Variants in CSNK1G1 observed in about 807,000 individuals in gnomAD.
CSNK1G1 encodes the protein casein kinase I isoform gamma-1.
A neutral mutation model predicts 59.6 loss-of-function variants in CSNK1G1; 22 were observed. That is an observed-to-expected ratio of 0.37 (90% confidence interval 0.26 to 0.53). CSNK1G1 has a LOEUF of 0.53. Among genes scored for constraint, CSNK1G1 ranks in the 20% least tolerant of loss-of-function variants. The pLI, the probability that CSNK1G1 is intolerant of heterozygous loss-of-function variation, is 0.89. For missense variants in CSNK1G1, 384 were observed against 519.5 expected (o/e 0.74, Z 2.54); for synonymous variants, 179 against 177.1 (o/e 1.01, Z -0.08).
chr15:64,322,104 A>G (rs72757001), intron 1 of CSNK1G1, among the ~76,000 whole-genome samples: 2,813 of 151,858 alleles, frequency 0.019, 30 homozygotes, highest in Non-Finnish European at 0.027. Context: ...TAAGTAGTAA[A>G]TATCTTTTGC....
chr15:64,189,156 A>T (rs556501239), intron 10 of CSNK1G1, among the ~76,000 whole-genome samples: 2 of 152,158 alleles, frequency 1.3e-5, no homozygotes, highest in Admixed American at 6.5e-5. Flanking sequence ...AACAAAAAAA[A>T]TAGCTACATC....
intron 2 of CSNK1G1, among the ~76,000 whole-genome samples, chr15:64,280,573 G>T (rs1894070498): frequency 6.6e-6 from 1 of 152,046 alleles, no homozygotes; most frequent in Non-Finnish European, 1.5e-5. Flanking sequence ...TGTTAGCCAG[G>T]ATGGTCTCAA....
At chr15:64,183,133 T>C (rs1367458971) in intron 10 of CSNK1G1, among the ~76,000 whole-genome samples, 1 of 152,196 alleles carries the variant, frequency 6.6e-6, no homozygotes, top group Non-Finnish European at 1.5e-5. Context: ...TTAGTAAGCA[T>C]CACCACTGAG....
At chr15:64,321,803 G>A (rs1221765814) in intron 1 of CSNK1G1, among the ~76,000 whole-genome samples, 1 of 152,116 alleles carries the variant, frequency 6.6e-6, no homozygotes, top group Non-Finnish European at 1.5e-5. Flanking sequence ...AATTTTCCCT[G>A]AGTAAGACTT....
intron 4 of CSNK1G1, among the ~76,000 whole-genome samples, chr15:64,244,433 T>C (rs1303921700): frequency 2.0e-5 from 3 of 149,026 alleles, no homozygotes; most frequent in Non-Finnish European, 4.4e-5. Context: ...TGGAAGAATA[T>C]TGTAAAAATA....
chr15:64,244,366 T>TAAAAA (rs142844348), intron 4 of CSNK1G1, among the ~76,000 whole-genome samples: 1 of 110,960 alleles, frequency 9.0e-6, no homozygotes, highest in African/African-American at 3.2e-5. Flanking sequence ...ACTGAAAAAT[T>TAAAAA]AAAAAAAAAA....
chr15:64,345,690 C>T (rs1181831601), intron 1 of CSNK1G1, among the ~76,000 whole-genome samples: 7 of 152,076 alleles, frequency 4.6e-5, no homozygotes, highest in Non-Finnish European at 1.0e-4. Context: ...TAATTACATT[C>T]GAGAACGTTA....
chr15:64,187,216 G>C (rs557946984), intron 10 of CSNK1G1, among the ~76,000 whole-genome samples: 1 of 151,194 alleles, frequency 6.6e-6, no homozygotes, highest in African/African-American at 2.4e-5. Context: ...GGGGGATGGA[G>C]CCTCATTCTG....
At chr15:64,222,436 C>CAAAAAAAAAAAA (rs1567381566) in intron 4 of CSNK1G1, among the ~76,000 whole-genome samples, 2 of 114,658 alleles carry the variant, frequency 1.7e-5, no homozygotes, top group African/African-American at 3.6e-5. Context: ...AACAACACCA[C>CAAAAAAAAAAAA]CAAAAAAAAA....
intron 1 of CSNK1G1, among the ~76,000 whole-genome samples, chr15:64,332,654 C>A (rs1897170603): frequency 6.8e-6 from 1 of 147,656 alleles, no homozygotes. Flanking sequence ...TGCACATGTA[C>A]CCTAAAACTT....
intron 1 of CSNK1G1, among the ~76,000 whole-genome samples, chr15:64,345,924 A>G (rs916523767): frequency 4.6e-5 from 7 of 151,994 alleles, no homozygotes; most frequent in Non-Finnish European, 8.8e-5. Flanking sequence ...CCAAGTAGCT[A>G]GGACTACAGG....
chr15:64,223,235 GA>G (rs149009136), intron 4 of CSNK1G1, among the ~76,000 whole-genome samples: 5 of 149,160 alleles, frequency 3.4e-5, no homozygotes, highest in Admixed American at 6.7e-5. Context: ...GCATTTAAAT[GA>G]AAAAAAAAAT....
chr15:64,325,313 G>GTA (rs143005622), intron 1 of CSNK1G1, among the ~76,000 whole-genome samples: 6,710 of 152,198 alleles, frequency 0.044, 190 homozygotes, highest in South Asian at 0.084. Context: ...TTCTACAAAT[G>GTA]TATATGCTCA....
chr15:64,321,249 C>A (rs1596274054), intron 1 of CSNK1G1, among the ~76,000 whole-genome samples: 2 of 149,354 alleles, frequency 1.3e-5, no homozygotes, highest in South Asian at 2.1e-4. Context: ...CATTTTTTTT[C>A]TTTTTTTCCT....
At chr15:64,289,591 TTAAAC>T (rs1894624423) in intron 2 of CSNK1G1, among the ~76,000 whole-genome samples, 3 of 152,186 alleles carry the variant, frequency 2.0e-5, no homozygotes, top group Admixed American at 2.0e-4. Context: ...TGGGACTTAA[TTAAAC>T]TAAAAAGCAT....
At chr15:64,254,524 G>A (rs1274323183) in intron 3 of CSNK1G1, among the ~76,000 whole-genome samples, 2 of 151,894 alleles carry the variant, frequency 1.3e-5, no homozygotes, top group African/African-American at 4.8e-5. Flanking sequence ...GCTAATTTTT[G>A]TATTTTTAGT....
At chr15:64,173,881 TG>T (rs2081708502) in intron 11 of CSNK1G1, among the ~76,000 whole-genome samples, 2 of 152,174 alleles carry the variant, frequency 1.3e-5, no homozygotes, top group Admixed American at 1.3e-4. Context: ...CCCAAAGTGC[TG>T]GGATTACAGG....
chr15:64,267,788 T>G (rs1893066000), intron 2 of CSNK1G1, among the ~76,000 whole-genome samples: 1 of 152,100 alleles, frequency 6.6e-6, no homozygotes, highest in African/African-American at 2.4e-5. Flanking sequence ...GACCCAACAA[T>G]TCCACTACTG....
Position 64,219,544 on chromosome 15 carries a change from G to C in CSNK1G1, c.293-2831C>G, listed in dbSNP as rs145292503. Among the ~76,000 whole-genome samples the C allele has an allele frequency of 9.9e-4, 150 of 151,124 alleles. No individual in the cohort carries two copies. The South Asian group carries it at 0.01, about 11-fold the overall frequency. On this transcript the variant is annotated intron_variant, in intron 4 of 11. Coordinates refer to ENST00000303052, the MANE Select transcript of CSNK1G1 (RefSeq NM_022048.5). ...TATGACCATGGCTCACTGCAGCCTC[G>C]ACCTCCTGGGACCAAGCAATCCTCC...
Sources: gnomAD v4.1 joint callset for allele counts (sites outside exome capture counted in the v4.1 genomes callset) on GRCh38, gnomAD v4.1.1 for gene constraint, MANE v1.5 for transcripts, NCBI Gene and HGNC (gene_info 2026-07-23, HGNC 2026-07-21) for gene names.